IPP: variants seen among roughly 807,000 people sequenced by gnomAD.
The protein encoded by IPP is actin-binding protein IPP.
IPP carries 41 observed loss-of-function variants against 64.1 expected under a neutral mutation model. The ratio of observed to expected loss-of-function variants is 0.64; its 90% confidence interval spans 0.50 to 0.83. The LOEUF (loss-of-function observed/expected upper bound fraction) is 0.83. Ranked by LOEUF, IPP falls within the 40% of genes least tolerant of loss-of-function variation. The pLI is 0.00. For synonymous variants in IPP, 214 were observed against 235.2 expected (o/e 0.91, Z 0.83); for missense variants, 649 against 703.0 (o/e 0.92, Z 0.87).
At chr1:45,713,506 G>A (rs1645618523) in intron 8 of IPP, among the ~76,000 whole-genome samples, 1 of 152,066 alleles carries the variant, frequency 6.6e-6, no homozygotes, top group Non-Finnish European at 1.5e-5. Context: ...GTTGTGGTGA[G>A]GTGAGATGGT....
At chr1:45,697,623 T>C (rs1437062458), downstream of IPP, among the ~76,000 whole-genome samples, 1 of 152,162 alleles carries the variant, frequency 6.6e-6, no homozygotes, top group African/African-American at 2.4e-5. Context: ...TCTAAATAAG[T>C]TGATGATGCT....
chr1:45,714,556 C>T, intron 7 of IPP, 90 bp from the exon 8 acceptor site: 4 of 779,930 alleles, frequency 5.1e-6, no homozygotes, highest in Non-Finnish European at 8.9e-6. Context: ...GTTTCCAATG[C>T]CGATGCTATG....
chr1:45,750,056 A>T (rs1646200239), intron 1 of IPP, among the ~76,000 whole-genome samples: 1 of 152,190 alleles, frequency 6.6e-6, no homozygotes, highest in Non-Finnish European at 1.5e-5. Context: ...GTCTCAAAAA[A>T]AAAAGCAGAT....
intron 1 of IPP, among the ~76,000 whole-genome samples, chr1:45,748,109 C>T (rs1012264043): frequency 2.0e-5 from 3 of 152,164 alleles, no homozygotes; most frequent in African/African-American, 7.2e-5. Flanking sequence ...TCGAAGGTAG[C>T]TGCTAAAACT....
intron 4 of IPP, among the ~76,000 whole-genome samples, chr1:45,728,826 G>A (rs1007680984): frequency 4.6e-5 from 7 of 151,858 alleles, no homozygotes; most frequent in African/African-American, 1.7e-4. Context: ...AAATAAAAAT[G>A]AAAAGAAGTT....
intron 6 of IPP, among the ~76,000 whole-genome samples, chr1:45,717,238 A>C (rs1056637213): frequency 4.0e-5 from 6 of 151,474 alleles, no homozygotes; most frequent in African/African-American, 1.5e-4. Flanking sequence ...AAAAAAAAAA[A>C]AAAAAAGGAA....
intron 1 of IPP, among the ~76,000 whole-genome samples, chr1:45,749,346 A>T (rs1206202496): frequency 6.6e-6 from 1 of 152,144 alleles, no homozygotes; most frequent in Non-Finnish European, 1.5e-5. Context: ...GAGTGACCAT[A>T]TTTCCAAAGG....
chr1:45,734,874 G>C (rs928437267), intron 3 of IPP, among the ~76,000 whole-genome samples: 2 of 152,120 alleles, frequency 1.3e-5, no homozygotes, highest in African/African-American at 2.4e-5. Context: ...CCACCTCCCA[G>C]GTTCAAGCAA....
chr1:45,740,473 C>T (rs889725133), intron 3 of IPP, among the ~76,000 whole-genome samples: 2 of 151,918 alleles, frequency 1.3e-5, no homozygotes, highest in African/African-American at 2.4e-5. Flanking sequence ...ATCTCCCTCC[C>T]GAACGGGGCG....
At chr1:45,724,721 A>C (rs1292475684) in intron 5 of IPP, among the ~76,000 whole-genome samples, 1 of 148,000 alleles carries the variant, frequency 6.8e-6, no homozygotes, top group Non-Finnish European at 1.5e-5. Context: ...CCGTCTGAGA[A>C]GTGAGGAAAC....
intron 5 of IPP, among the ~76,000 whole-genome samples, chr1:45,724,732 C>G (rs2148565520): frequency 6.6e-6 from 1 of 150,594 alleles, no homozygotes; most frequent in Non-Finnish European, 1.5e-5. Context: ...GTGAGGAAAC[C>G]CTCTGCCTGG....
In IPP at chr1:45,729,664, G is replaced by A. The variant is rs757664951; in HGVS notation, c.830C>T (p.Thr277Ile). 1.2e-6 allele frequency: 2 copies of A among 1,613,126 alleles called. No homozygotes were observed. Among genetic ancestry groups the A allele is most frequent in the Admixed American group, 1.7e-5 (1 of 59,922 alleles). Reference sequence around the variant, plus strand: ...TTTCTTCCGAGGTCGAACCTTAGATGTCTGCAGAAAACTACAAAACTTGTT... The same window carrying A: ...TTTCTTCCGAGGTCGAACCTTAGATATCTGCAGAAAACTACAAAACTTGTT... ...KENKFCSFLQ[T>I]SKVRPRKKAR... The change falls in exon 4 of 9, where the codon ACA (threonine) becomes ATA (isoleucine). Residue 277 changes from threonine (T) to isoleucine (I), a missense_variant. Physicochemically the swap from Thr to Ile is moderately conservative, Grantham distance 89. Transcript: ENST00000396478.
chr1:45,742,955 C>T (rs1227395725), intron 2 of IPP, among the ~76,000 whole-genome samples: 1 of 146,584 alleles, frequency 6.8e-6, no homozygotes, highest in Non-Finnish European at 1.5e-5. Context: ...TTATTTTTTT[C>T]GAGACAGAGT....
chr1:45,701,747 T>A (rs1050720502), intron 8 of IPP, among the ~76,000 whole-genome samples: 2 of 152,230 alleles, frequency 1.3e-5, no homozygotes, highest in African/African-American at 4.8e-5. Flanking sequence ...AAAGTTTTTT[T>A]AATCATAAAT....
At chr1:45,730,973 C>A (rs1645897428) in intron 3 of IPP, among the ~76,000 whole-genome samples, 1 of 152,352 alleles carries the variant, frequency 6.6e-6, no homozygotes, top group South Asian at 2.1e-4. Flanking sequence ...TAACAGAACA[C>A]TGTGCTAGCC....
downstream of IPP, chr1:45,697,133 C>T (rs897309080): frequency 2.0e-5 from 3 of 152,192 alleles, no homozygotes; most frequent in Non-Finnish European, 4.4e-5. Context: ...TTCAGACGTT[C>T]AGGATGCCCC....
Position 45,716,986 on chromosome 1 carries a change from G to A in IPP, c.1218C>T (p.Thr406=). 3.7e-6 allele frequency: 6 copies of A among 1,613,102 alleles called. No homozygotes were observed. Among genetic ancestry groups the A allele is most frequent in the Non-Finnish European group, 5.1e-6 (6 of 1,179,410 alleles). Residue 406 remains threonine, a synonymous_variant, in exon 7 of 9, where the codon ACC becomes ACT. Transcript: ENST00000396478. The stretch of plus-strand genomic sequence containing the variant: ...TTTCATCAGGATCAAATCGTTCAAT[G>A]GTGTTCCCTATCTCAGCTCCAACCC... The part of the protein sequence containing the change: ...GGWVGAEIGN[T]IERFDPDENK...
chr1:45,726,919 T>G (rs984248286), intron 5 of IPP, among the ~76,000 whole-genome samples: 5 of 152,086 alleles, frequency 3.3e-5, no homozygotes, highest in Non-Finnish European at 7.4e-5. Context: ...AGAGACAAGG[T>G]TTCACCATGT....
At chr1:45,740,138 G>C (rs1646040051) in intron 3 of IPP, among the ~76,000 whole-genome samples, 1 of 152,088 alleles carries the variant, frequency 6.6e-6, no homozygotes, top group Non-Finnish European at 1.5e-5. Flanking sequence ...CAGGGTTGGG[G>C]GTAAGGTCAT....
Sources: gnomAD v4.1 joint callset for allele counts (sites outside exome capture counted in the v4.1 genomes callset) on GRCh38, gnomAD v4.1.1 for gene constraint, MANE v1.5 for transcripts, NCBI Gene and HGNC (gene_info 2026-07-23, HGNC 2026-07-21) for gene names.